The following EPC2 variants were observed in gnomAD, a reference collection of about 807,000 sequenced individuals.
EPC2 encodes enhancer of polycomb homolog 2.
EPC2 carries 14 observed loss-of-function variants against 92.1 expected under a neutral mutation model. The observed-to-expected ratio is 0.15, with a 90% CI of 0.10 to 0.24. EPC2 has a LOEUF of 0.24. Among genes scored for constraint, EPC2 ranks in the 10% least tolerant of loss-of-function variants. The pLI is 1.00. For missense variants in EPC2, 755 were observed against 971.5 expected (o/e 0.78, Z 2.96); for synonymous variants, 340 against 334.7 (o/e 1.02, Z -0.17).
chr2:148,771,490 A>T, intron 10 of EPC2, 103 bp downstream of exon 10: 1 of 1,101,820 alleles, frequency 9.1e-7, no homozygotes, highest in Non-Finnish European at 1.3e-6. Context: ...TTTCCAACCT[A>T]AGAAACAAAA....
intron 10 of EPC2, among the ~76,000 whole-genome samples, chr2:148,776,856 C>CTCTCTTTTTTTT (rs1247135854): frequency 6.9e-5 from 7 of 101,042 alleles, no homozygotes; most frequent in African/African-American, 2.6e-4. Flanking sequence ...GTCTCTCTCT[C>CTCTCTTTTTTTT]TTTTTTTTTT....
At chr2:148,663,835 C>T (rs1681003215) in intron 1 of EPC2, among the ~76,000 whole-genome samples, 1 of 151,960 alleles carries the variant, frequency 6.6e-6, no homozygotes, top group South Asian at 2.1e-4. Context: ...AACCTAGATC[C>T]CTTGCATGTG....
At chr2:148,735,638 T>G (rs1188494454) in intron 2 of EPC2, among the ~76,000 whole-genome samples, 1 of 151,988 alleles carries the variant, frequency 6.6e-6, no homozygotes, top group Non-Finnish European at 1.5e-5. Flanking sequence ...CTCCATGATT[T>G]TATAGCCATC....
chr2:148,712,323 C>T (rs1010786831), intron 2 of EPC2, among the ~76,000 whole-genome samples: 1 of 151,954 alleles, frequency 6.6e-6, no homozygotes, highest in Non-Finnish European at 1.5e-5. Context: ...GCAAGTAGCA[C>T]TATAATGCTT....
Position 148,656,026 on chromosome 2 carries a change from G to GTGTGTGTGTGTGT in EPC2, c.153+10856_153+10857insTGTGTGTGTGTGT, listed in dbSNP as rs1230427174. Among the ~76,000 whole-genome samples, 789 of 84,178 alleles carry GTGTGTGTGTGTGT rather than the reference G, an allele frequency of 9.4e-3. 6 individuals carry two copies. The highest frequency in any genetic ancestry group is 0.02 in the Middle Eastern group (4 of 196). 55.2% of individuals were successfully genotyped at this position (84,178 alleles called of 152,430 possible). A position where few individuals can be genotyped will look rare whatever the true frequency, so the allele number is the denominator to read the frequency against. ...CTGTGTGTGTGTGTGTGTGTGTGTGGGGGGGGGGGGGGTTATTCTAGAAAA... is the reference window on the plus strand; with the variant it reads ...CTGTGTGTGTGTGTGTGTGTGTGTGGTGTGTGTGTGTGTGGGGGGGGGGGGTTATTCTAGAAAA... On this transcript the variant is annotated intron_variant, in intron 1 of 13. Coordinates refer to ENST00000258484, the MANE Select transcript of EPC2 (RefSeq NM_015630.4).
intron 1 of EPC2, among the ~76,000 whole-genome samples, chr2:148,680,091 T>C (rs200383471): frequency 0.028 from 3,971 of 144,400 alleles, 58 homozygotes; most frequent in East Asian, 0.031. Flanking sequence ...TCAAGCCCCT[T>C]TTTTTTTTTT....
chr2:148,779,716 A>G (rs1411866338), intron 10 of EPC2, among the ~76,000 whole-genome samples: 1 of 152,224 alleles, frequency 6.6e-6, no homozygotes, highest in Non-Finnish European at 1.5e-5. Context: ...TTGAAATAGT[A>G]ACTGAAAGTA....
intron 4 of EPC2, among the ~76,000 whole-genome samples, chr2:148,759,332 A>G (rs1291639373): frequency 6.6e-6 from 1 of 152,184 alleles, no homozygotes; most frequent in Non-Finnish European, 1.5e-5. Context: ...ACCCCAGGTG[A>G]TCCGACCGCC....
At chr2:148,728,784 G>A (rs1682554377) in intron 2 of EPC2, among the ~76,000 whole-genome samples, 1 of 150,650 alleles carries the variant, frequency 6.6e-6, no homozygotes, top group Non-Finnish European at 1.5e-5. Context: ...TGTAATCCCA[G>A]CATTTTGGGA....
At chr2:148,778,008 CAAATGTGTTATATA>C (rs1164563829) in intron 10 of EPC2, among the ~76,000 whole-genome samples, 3 of 151,966 alleles carry the variant, frequency 2.0e-5, no homozygotes, top group African/African-American at 7.3e-5. Flanking sequence ...ACAAGTATGC[CAAATGTGTTATATA>C]GAATGTGTTA....
chr2:148,743,566 C>A (rs114221509), intron 2 of EPC2, 56 bp from the exon 3 acceptor site: 39,036 of 1,370,196 alleles, frequency 0.028, 613 homozygotes, highest in Middle Eastern at 0.038. Flanking sequence ...ATATGATGAA[C>A]AATGTATAAT....
chr2:148,658,645 T>C (rs1680867438), intron 1 of EPC2, among the ~76,000 whole-genome samples: 1 of 148,780 alleles, frequency 6.7e-6, no homozygotes, highest in South Asian at 2.2e-4. Context: ...ATTTTTCCCT[T>C]TTCAGTTCTA....
rs1488661998 is a variant in EPC2, at chr2:148,740,198, A to G, written c.314-3424A>G. Among the ~76,000 whole-genome samples, 9 of 148,494 alleles carry G rather than the reference A, an allele frequency of 6.1e-5. No individual in the cohort carries two copies. In the South Asian group the frequency reaches 8.5e-4, roughly 14 times the overall value. ...TATATTTATATATTTTAGAAATGCT[A>G]TTTTTATTCAGTAGCTTTTAGTATG... On this transcript the variant is annotated intron_variant, in intron 2 of 13. Coordinates refer to ENST00000258484, the MANE Select transcript of EPC2 (RefSeq NM_015630.4).
intron 1 of EPC2, among the ~76,000 whole-genome samples, chr2:148,688,206 T>C (rs1681567735): frequency 6.6e-6 from 1 of 152,168 alleles, no homozygotes; most frequent in Non-Finnish European, 1.5e-5. Flanking sequence ...GTGGCACATA[T>C]GCACCATGGA....
chr2:148,650,991 T>C (rs1430031939), intron 1 of EPC2, among the ~76,000 whole-genome samples: 1 of 152,138 alleles, frequency 6.6e-6, no homozygotes, highest in Non-Finnish European at 1.5e-5. Context: ...TCCAAAAACA[T>C]GTATCTGGAA....
At chr2:148,697,226 A>G (rs551642546) in intron 2 of EPC2, among the ~76,000 whole-genome samples, 1 of 152,242 alleles carries the variant, frequency 6.6e-6, no homozygotes, top group South Asian at 2.1e-4. Flanking sequence ...ATGGTTCATC[A>G]TTACAAGTTG....
chr2:148,735,264 A>G (rs189749894), intron 2 of EPC2, among the ~76,000 whole-genome samples: 28 of 152,134 alleles, frequency 1.8e-4, no homozygotes, highest in Admixed American at 5.9e-4. Flanking sequence ...TATTTTCACC[A>G]GTAGTGTATG....
chr2:148,736,188 T>C (rs1682751005), intron 2 of EPC2, among the ~76,000 whole-genome samples: 1 of 152,188 alleles, frequency 6.6e-6, no homozygotes, highest in Non-Finnish European at 1.5e-5. Flanking sequence ...AGACTGATTT[T>C]TTAGTACTCT....
chr2:148,654,346 G>A (rs898967970), intron 1 of EPC2, among the ~76,000 whole-genome samples: 1 of 152,130 alleles, frequency 6.6e-6, no homozygotes, highest in Non-Finnish European at 1.5e-5. Context: ...AAATATGAAG[G>A]TTGATGGAAG....
Sources: gnomAD v4.1 joint callset for allele counts (sites outside exome capture counted in the v4.1 genomes callset) on GRCh38, gnomAD v4.1.1 for gene constraint, MANE v1.5 for transcripts, NCBI Gene and HGNC (gene_info 2026-07-23, HGNC 2026-07-21) for gene names.